Variants in ARRDC2 observed in about 807,000 individuals in gnomAD.
The protein encoded by ARRDC2 is arrestin domain containing 2, also known as arrestin domain-containing protein 2.
A neutral mutation model predicts 38.9 loss-of-function variants in ARRDC2; 39 were observed. The ratio of observed to expected loss-of-function variants is 1.00; its 90% CI spans 0.78 to 1.31. ARRDC2 has a LOEUF of 1.31. ARRDC2 is among the 50% of genes most tolerant of loss of function. ARRDC2 has a pLI of 0.00. For missense variants in ARRDC2, 553 were observed against 588.4 expected, an observed-to-expected ratio of 0.94 and a Z score of 0.62; for synonymous variants, 300 against 261.9, an observed-to-expected ratio of 1.15 and a Z score of -1.41.
At chr19:18,012,833 GAGATGGCT>G (rs1265927485) in intron 7 of ARRDC2, 72 bp from the exon 8 acceptor site, 7 of 1,458,054 alleles carry the variant, frequency 4.8e-6, no homozygotes, top group Non-Finnish European at 6.7e-6. Flanking sequence ...CGGGAGTTGG[GAGATGGCT>G]AGATGGGGAG....
chr19:18,006,286 TGGA>T (rs1483819255), upstream of ARRDC2, among the ~76,000 whole-genome samples: 1 of 149,548 alleles, frequency 6.7e-6, no homozygotes, highest in Non-Finnish European at 1.5e-5. Context: ...GGCTGGGAGG[TGGA>T]GGTTGTAGCG....
exon 1 of ARRDC2, chr19:18,001,226 G>T: frequency 9.0e-7 from 1 of 1,109,944 alleles, no homozygotes; most frequent in Non-Finnish European, 1.1e-6. Context: ...GACGCGACGG[G>T]GGAACGCGGA....
upstream of ARRDC2, among the ~76,000 whole-genome samples, chr19:18,005,291 G>T (rs1292878274): frequency 3.3e-5 from 5 of 152,042 alleles, no homozygotes; most frequent in African/African-American, 4.8e-5. Flanking sequence ...ATGTTTCAGA[G>T]AGCACAGGGT....
At chr19:18,009,739 G>C (rs376608776) in intron 4 of ARRDC2, 44 bp from the exon 5 acceptor site, 1 of 1,612,702 alleles carries the variant, frequency 6.2e-7, no homozygotes, top group African/African-American at 1.3e-5. Flanking sequence ...CTGGTGTTGG[G>C]GTTGCAGGAG....
chr19:18,006,058 G>C (rs560060250), upstream of ARRDC2, among the ~76,000 whole-genome samples: 28 of 147,152 alleles, frequency 1.9e-4, no homozygotes, highest in South Asian at 4.3e-3. Context: ...TCCTCACTTC[G>C]TAGATGGGAT....
Position 18,008,484 on chromosome 19 carries a change from C to G in ARRDC2, c.174C>G (p.His58Gln). 6.5e-7 allele frequency: 1 copy of G among 1,531,494 alleles called. No individual in the cohort carries two copies. The highest frequency in any genetic ancestry group is 8.7e-7 in the Non-Finnish European group (1 of 1,145,834). 94.9% of individuals were successfully genotyped at this position (1,531,494 alleles called of 1,614,324 possible). A position where few individuals can be genotyped will look rare whatever the true frequency, so the allele number is the denominator to read the frequency against. The change falls in exon 1 of 8, where the codon CAC becomes CAG. Residue 58 changes from histidine (H) to glutamine (Q), a missense_variant. His to Gln is a conservative substitution (Grantham distance 24). Around this residue, in one of 3 missense-constraint regions of ARRDC2, gnomAD observed 447 missense variants for 456.6 expected, o/e 0.98. Coordinates refer to ENST00000222250, the MANE Select transcript of ARRDC2 (RefSeq NM_015683.2). ...RLRARGRAHV[H>Q]WTESRSAGSS... Reference sequence around the variant, plus strand: ...GCGCGCGGGGCCGCGCCCACGTGCACTGGACCGAGTCGCGCAGCGCGGGCT... The same window carrying G: ...GCGCGCGGGGCCGCGCCCACGTGCAGTGGACCGAGTCGCGCAGCGCGGGCT...
chr19:18,007,473 G>A (rs1307367974), upstream of ARRDC2: 2 of 152,398 alleles, frequency 1.3e-5, no homozygotes. Context: ...GGTATGTCAA[G>A]AGCAGGTTGA....
In ARRDC2 at chr19:18,009,856, G is replaced by A. The variant is rs552974438; in HGVS notation, c.666G>A (p.Val222=). The A allele has an allele frequency of 1.2e-5, 19 of 1,612,210 alleles. No homozygotes were observed. In the South Asian group the frequency reaches 1.9e-4, roughly 16 times the overall value. ...TRPVLPRAAV[V]QTQTFMARGA... is the part of the protein sequence containing the mutation. Reference sequence around the variant, plus strand: ...CTGTGCTGCCTCGGGCAGCCGTGGTGCAGACACAGACGTTCATGGCCCGAG... The same window carrying A: ...CTGTGCTGCCTCGGGCAGCCGTGGTACAGACACAGACGTTCATGGCCCGAG... Residue 222 remains valine (V), a synonymous_variant, in exon 5 of 8, where the codon GTG becomes GTA. Coordinates refer to ENST00000222250, the MANE Select transcript of ARRDC2 (RefSeq NM_015683.2).
Position 18,010,638 on chromosome 19 carries a change from C to T in ARRDC2, c.1079C>T (p.Pro360Leu), listed in dbSNP as rs780312905. The T allele has an allele frequency of 2.0e-5, 33 of 1,613,722 alleles. No homozygotes were observed. Among genetic ancestry groups the T allele is most frequent in the Admixed American group, 3.3e-5 (2 of 60,000 alleles). The change falls in exon 7 of 8, where the codon CCG becomes CTG. Residue 360 changes from proline to leucine, a missense_variant. By Grantham distance (98) the Pro-to-Leu change is moderately conservative. Transcript: ENST00000222250. The stretch of plus-strand genomic sequence containing the variant: ...GCAGCCTTGGGGCAGAGCCCCTTCC[C>T]GCTTCCGCAGGACCCCGACATGAGC... ...EEAALGQSPF[P>L]LPQDPDMSLE...
At chr19:18,008,115 G>GTCCCCCCCC, upstream of ARRDC2, 7 of 810,030 alleles carry the variant, frequency 8.6e-6, no homozygotes, top group Non-Finnish European at 1.0e-5. Context: ...AAGAGACGGT[G>GTCCCCCCCC]ACCCCACCCC....
At chr19:18,007,817 C>CACGTCATGGACAT (rs2033309639), upstream of ARRDC2, 1 of 207,906 alleles carries the variant, frequency 4.8e-6, no homozygotes, top group South Asian at 6.2e-5. Context: ...GGACATGCCT[C>CACGTCATGGACAT]GAGTCACGTC....
chr19:18,009,561 T>A, intron 3 of ARRDC2, 31 bp from the exon 4 acceptor site: 2 of 1,549,222 alleles, frequency 1.3e-6, no homozygotes, highest in Non-Finnish European at 1.8e-6. Context: ...ACAAAGTGAC[T>A]CATCCATGTC....
chr19:18,009,199 A>C, intron 3 of ARRDC2, 81 bp downstream of exon 3: 2 of 1,511,266 alleles, frequency 1.3e-6, no homozygotes, highest in Non-Finnish European at 1.8e-6. Context: ...ACCAACCAAT[A>C]AGATGGAGGT....
chr19:18,007,959 C>T, upstream of ARRDC2: 1 of 412,618 alleles, frequency 2.4e-6, no homozygotes, highest in Non-Finnish European at 4.2e-6. Context: ...CCAGCTCTGG[C>T]AGCCTAAGGG....
intron 7 of ARRDC2, 23 bp downstream of exon 7, chr19:18,010,752 C>A: frequency 6.2e-7 from 1 of 1,608,836 alleles, no homozygotes; most frequent in East Asian, 2.2e-5. Context: ...GTCTGAGAAC[C>A]ACCCATGCCT....
upstream of ARRDC2, among the ~76,000 whole-genome samples, chr19:18,003,833 G>A (rs1440154815): frequency 6.6e-6 from 1 of 151,986 alleles, no homozygotes; most frequent in South Asian, 2.1e-4. Context: ...TAGAGACGGG[G>A]TTTCACCATG....
intron 1 of ARRDC2, among the ~76,000 whole-genome samples, chr19:18,001,826 C>T (rs193141236): frequency 6.6e-6 from 1 of 152,314 alleles, no homozygotes; most frequent in Admixed American, 6.5e-5. Flanking sequence ...GCCTGGAGTC[C>T]CAGCTACAGG....
intron 7 of ARRDC2, among the ~76,000 whole-genome samples, chr19:18,011,087 A>G (rs2033402510): frequency 6.6e-6 from 1 of 152,060 alleles, no homozygotes. Context: ...CAACTTCCGC[A>G]TCCCTGGTAG....
intron 4 of ARRDC2, 35 bp downstream of exon 4, chr19:18,009,729 C>G (rs2033366080): frequency 6.2e-7 from 1 of 1,612,672 alleles, no homozygotes; most frequent in Admixed American, 1.7e-5. Context: ...GGGACGGGGG[C>G]TGGTGTTGGG....
Sources: gnomAD v4.1 joint callset for allele counts (sites outside exome capture counted in the v4.1 genomes callset) on GRCh38, gnomAD v4.1.1 for gene constraint, gnomAD v4.1.1 regional missense constraint, MANE v1.5 for transcripts, NCBI Gene and HGNC (gene_info 2026-07-23, HGNC 2026-07-21) for gene names.